PRKCB: variants seen among roughly 807,000 people sequenced by gnomAD.
PRKCB encodes protein kinase C beta, also known as protein kinase C beta type.
In PRKCB, 13 loss-of-function variants were observed where a neutral mutation model predicts 81.5. The observed-to-expected ratio is 0.16, with a 90% CI of 0.10 to 0.25. PRKCB has a LOEUF of 0.25. Ranked by LOEUF, PRKCB falls within the 10% of genes least tolerant of loss-of-function variation. PRKCB has a pLI of 1.00. For synonymous variants in PRKCB, 335 were observed against 321.4 expected (o/e 1.04, Z -0.45); for missense variants, 509 against 875.7 (o/e 0.58, Z 5.29).
chr16:24,019,340 T>C (rs1965328927), intron 3 of PRKCB, among the ~76,000 whole-genome samples: 1 of 151,670 alleles, frequency 6.6e-6, no homozygotes, highest in South Asian at 2.1e-4. Context: ...TGAGACCTTG[T>C]CTCTGAAAAT....
intron 2 of PRKCB, among the ~76,000 whole-genome samples, chr16:23,877,742 ACT>A (rs1450615542): frequency 2.0e-5 from 3 of 152,204 alleles, no homozygotes; most frequent in African/African-American, 7.2e-5. Flanking sequence ...GCTACATCAC[ACT>A]TAGTATGTGT....
chr16:24,016,501 A>G (rs886230366), intron 3 of PRKCB, among the ~76,000 whole-genome samples: 5 of 152,172 alleles, frequency 3.3e-5, no homozygotes, highest in African/African-American at 1.2e-4. Flanking sequence ...CAAGAAAATA[A>G]TCAAATACCC....
chr16:24,101,502 G>A (rs964796045), intron 7 of PRKCB, among the ~76,000 whole-genome samples: 12 of 152,170 alleles, frequency 7.9e-5, no homozygotes, highest in Non-Finnish European at 1.6e-4. Flanking sequence ...TTGTGTCATC[G>A]CACTCCAGCC....
chr16:23,941,914 CAT>C (rs1964144818), intron 2 of PRKCB, among the ~76,000 whole-genome samples: 2 of 152,076 alleles, frequency 1.3e-5, no homozygotes, highest in African/African-American at 2.4e-5. Context: ...AGAAAAGAAA[CAT>C]ATAAATACTA....
intron 3 of PRKCB, among the ~76,000 whole-genome samples, chr16:24,014,026 T>C (rs1392086801): frequency 6.6e-6 from 1 of 152,224 alleles, no homozygotes; most frequent in Non-Finnish European, 1.5e-5. Flanking sequence ...AAACTCACCG[T>C]GTCCTTCTAT....
At chr16:24,035,140 T>A (rs1965597150) in intron 4 of PRKCB, among the ~76,000 whole-genome samples, 1 of 152,154 alleles carries the variant, frequency 6.6e-6, no homozygotes, top group African/African-American at 2.4e-5. Flanking sequence ...CTTCAGAGCC[T>A]TAAGGGGTGT....
At chr16:24,150,440 C>T (rs1967061642) in intron 9 of PRKCB, among the ~76,000 whole-genome samples, 2 of 152,228 alleles carry the variant, frequency 1.3e-5, no homozygotes, top group South Asian at 4.1e-4. Flanking sequence ...AATTCAAATT[C>T]TTGGGAGGGG....
At chr16:24,096,462 A>G (rs935315727) in intron 7 of PRKCB, among the ~76,000 whole-genome samples, 1 of 151,664 alleles carries the variant, frequency 6.6e-6, no homozygotes, top group Non-Finnish European at 1.5e-5. Context: ...CATGGACACT[A>G]GAGTGGCTTG....
intron 2 of PRKCB, among the ~76,000 whole-genome samples, chr16:23,839,628 GA>G (rs11356603): frequency 0.48 from 73,380 of 151,826 alleles, 18,607 homozygotes; most frequent in East Asian, 0.64. Context: ...TCCCCACCAA[GA>G]GGCAGCGTAG....
At chr16:24,149,314 TA>T (rs1289237070) in intron 9 of PRKCB, among the ~76,000 whole-genome samples, 16 of 152,236 alleles carry the variant, frequency 1.1e-4, no homozygotes, top group Admixed American at 9.8e-4. Context: ...AAAACCTCTA[TA>T]AAGTATCACT....
At chr16:23,953,483 G>A (rs935595389) in intron 2 of PRKCB, among the ~76,000 whole-genome samples, 2 of 152,260 alleles carry the variant, frequency 1.3e-5, no homozygotes, top group East Asian at 3.9e-4. Flanking sequence ...CACACCCAGG[G>A]GCTCCTTGAA....
At chr16:23,879,127 G>C (rs1323295993) in intron 2 of PRKCB, among the ~76,000 whole-genome samples, 2 of 151,970 alleles carry the variant, frequency 1.3e-5, no homozygotes. Context: ...GCAGTGAGCT[G>C]AGAGCGTGTC....
At chr16:24,154,624 G>T (rs1370076221) in intron 9 of PRKCB, 60 bp from the exon 10 acceptor site, 2 of 1,550,514 alleles carry the variant, frequency 1.3e-6, no homozygotes, top group Non-Finnish European at 1.8e-6. Flanking sequence ...AACACCAGCT[G>T]CTCATAACTG....
chr16:23,947,230 A>G (rs1318965725), intron 2 of PRKCB, among the ~76,000 whole-genome samples: 2 of 152,028 alleles, frequency 1.3e-5, no homozygotes, highest in Non-Finnish European at 2.9e-5. Context: ...GCTTCAACTT[A>G]CTCTGCTGCC....
chr16:24,138,557 A>AT (rs11342996), intron 9 of PRKCB, among the ~76,000 whole-genome samples: 51 of 151,494 alleles, frequency 3.4e-4, no homozygotes, highest in East Asian at 1.2e-3. Flanking sequence ...TTATTTATGT[A>AT]TTTTTTTTTG....
At chr16:23,887,175 A>C (rs1963216572) in intron 2 of PRKCB, among the ~76,000 whole-genome samples, 1 of 152,206 alleles carries the variant, frequency 6.6e-6, no homozygotes, top group South Asian at 2.1e-4. Flanking sequence ...GTAGGATAGA[A>C]ATAAAATGCC....
At chr16:24,193,368 C>T (rs566733780) in intron 16 of PRKCB, among the ~76,000 whole-genome samples, 85 of 151,746 alleles carry the variant, frequency 5.6e-4, no homozygotes, top group Non-Finnish European at 7.1e-4. Flanking sequence ...TCACTTGAAC[C>T]GAGGAGGTGG....
At chr16:24,163,176 C>G (rs1339703646) in intron 10 of PRKCB, among the ~76,000 whole-genome samples, 2 of 152,160 alleles carry the variant, frequency 1.3e-5, no homozygotes, top group Non-Finnish European at 2.9e-5. Context: ...CACTAGGAAC[C>G]TTTTAAAAGG....
chr16:23,964,608 C>G (rs890164406), intron 2 of PRKCB, among the ~76,000 whole-genome samples: 3 of 151,730 alleles, frequency 2.0e-5, no homozygotes, highest in African/African-American at 7.3e-5. Flanking sequence ...TATCCCTGTC[C>G]TAGAGATGAG....
Sources: allele counts gnomAD v4.1 joint callset (sites outside exome capture counted in the v4.1 genomes callset), GRCh38; gene constraint gnomAD v4.1.1; transcripts MANE v1.5; gene names NCBI Gene and HGNC (gene_info 2026-07-23, HGNC 2026-07-21).